Variants in ALDH1A1 observed in about 807,000 individuals in gnomAD.
ALDH1A1 encodes aldehyde dehydrogenase 1A1.
In ALDH1A1, 19 loss-of-function variants were observed where a neutral mutation model predicts 62.1. The ratio of observed to expected loss-of-function variants is 0.31; its 90% CI spans 0.21 to 0.45. ALDH1A1 has a LOEUF of 0.45. Among genes scored for constraint, ALDH1A1 ranks in the 20% least tolerant of loss-of-function variants. The pLI, the probability that ALDH1A1 is intolerant of heterozygous loss-of-function variation, is 1.00. For synonymous variants in ALDH1A1, 231 were observed against 215.9 expected, an observed-to-expected ratio of 1.07 and a Z score of -0.61; for missense variants, 521 against 607.1, an observed-to-expected ratio of 0.86 and a Z score of 1.49.
At chr9:72,927,794 C>T (rs984033157) in intron 4 of ALDH1A1, among the ~76,000 whole-genome samples, 2 of 152,104 alleles carry the variant, frequency 1.3e-5, no homozygotes, top group South Asian at 4.2e-4. Flanking sequence ...TATTTGCCTA[C>T]CAAACAATAA....
At chr9:72,906,095 G>T in intron 11 of ALDH1A1, 63 bp from the exon 12 acceptor site, 1 of 1,315,518 alleles carries the variant, frequency 7.6e-7, no homozygotes, top group Non-Finnish European at 1.1e-6. Context: ...ATCCTTTTTG[G>T]CAGTTTTAGA....
intron 11 of ALDH1A1, among the ~76,000 whole-genome samples, chr9:72,907,558 T>C (rs1192296084): frequency 6.6e-6 from 1 of 152,190 alleles, no homozygotes; most frequent in Non-Finnish European, 1.5e-5. Context: ...GTGCAGAGAG[T>C]AAATTTGCTC....
At position 72,902,615 on chromosome 9, in the gene ALDH1A1, G is replaced by A. The variant is rs541764921; in HGVS notation, c.1434-1335C>T. Among the ~76,000 whole-genome samples the A allele has an allele frequency of 9.9e-5, 15 of 151,960 alleles. 1 individual carries two copies. The South Asian group carries it at 1.5e-3, about 15-fold the overall frequency. On this transcript the variant is annotated intron_variant, in intron 12 of 12. Coordinates refer to ENST00000297785, the MANE Select transcript of ALDH1A1 (RefSeq NM_000689.5). ...TTAGATCAATCAACCCATGACTTTC[G>A]CCAATAGGCTTTCCATTGTATTTTG...
chr9:72,925,460 A>C, intron 6 of ALDH1A1, 24 bp downstream of exon 6: 1 of 1,611,034 alleles, frequency 6.2e-7, no homozygotes. Flanking sequence ...GTTCTTGAGC[A>C]TATTTTGATT....
Position 72,924,120 on chromosome 9 carries a change from G to C in ALDH1A1, c.646C>G (p.Pro216Ala). The C allele has an allele frequency of 6.2e-7, 1 of 1,600,130 alleles. No homozygotes were observed. The highest frequency in any genetic ancestry group is 8.5e-7 in the Non-Finnish European group (1 of 1,175,504). ...CCAGGAACAATATTCACTACTCCAG[G>C]AGGAAACCCTGCCTAAAAGATAAAA... ...ASLIKEAGFP[P>A]GVVNIVPGYG... is the part of the protein sequence containing the mutation. The change falls in exon 7 of 13, where the codon CCT becomes GCT. Residue 216 changes from proline to alanine, a missense_variant. Transcript: ENST00000297785.
intron 12 of ALDH1A1, among the ~76,000 whole-genome samples, chr9:72,903,644 T>A (rs1044135661): frequency 1.8e-4 from 27 of 151,918 alleles, no homozygotes; most frequent in Non-Finnish European, 4.4e-5. Flanking sequence ...TTCCTTTGTA[T>A]TTGAAAGAAA....
chr9:72,907,848 T>C (rs1829895125), intron 11 of ALDH1A1, among the ~76,000 whole-genome samples: 1 of 152,238 alleles, frequency 6.6e-6, no homozygotes, highest in Non-Finnish European at 1.5e-5. Flanking sequence ...TTAATGCTTT[T>C]ATCATAGGCA....
In ALDH1A1 at chr9:72,940,250, G is replaced by T. The variant is rs1830400521; in HGVS notation, c.69C>A (p.Ile23=). The T allele has an allele frequency of 6.2e-7, 1 of 1,610,272 alleles. No homozygotes were observed. The highest frequency in any genetic ancestry group is 8.5e-7 in the Non-Finnish European group (1 of 1,176,962). Residue 23 remains isoleucine (I), a splice_region_variant and synonymous_variant, in exon 2 of 13, where the codon ATC becomes ATA. Coordinates refer to ENST00000297785, the MANE Select transcript of ALDH1A1 (RefSeq NM_000689.5). ...LTDLKIQYTK[I]FINNEWHDSV... ...AATCATGCCATTCATTGTTTATGAA[G>T]ATCTGTAGAGATGAAGAGAAAATAC...
chr9:72,927,824 A>G (rs1222772211), intron 4 of ALDH1A1, among the ~76,000 whole-genome samples: 1 of 152,114 alleles, frequency 6.6e-6, no homozygotes, highest in Admixed American at 6.5e-5. Context: ...CTCTAAATAC[A>G]TGAAGAAAAT....
At chr9:72,918,878 G>T in intron 7 of ALDH1A1, 56 bp from the exon 8 acceptor site, 2 of 1,282,792 alleles carry the variant, frequency 1.6e-6, no homozygotes, top group Non-Finnish European at 2.2e-6. Flanking sequence ...AACACAGGTT[G>T]CTTTAGCATT....
intron 8 of ALDH1A1, among the ~76,000 whole-genome samples, chr9:72,917,584 A>G (rs538663032): frequency 1.3e-5 from 2 of 152,172 alleles, no homozygotes; most frequent in Non-Finnish European, 2.9e-5. Flanking sequence ...AAATAAAACA[A>G]AAACAACTAA....
At chr9:72,927,888 C>T (rs1830230596) in intron 4 of ALDH1A1, among the ~76,000 whole-genome samples, 1 of 151,404 alleles carries the variant, frequency 6.6e-6, no homozygotes, top group African/African-American at 2.4e-5. Context: ...TTTATGTGCC[C>T]CGAAGTTTAA....
intron 9 of ALDH1A1, among the ~76,000 whole-genome samples, chr9:72,913,292 A>G (rs1830014354): frequency 2.0e-5 from 3 of 152,204 alleles, no homozygotes; most frequent in Admixed American, 6.5e-5. Context: ...ATGTTGCTCA[A>G]CAGTCTTTAG....
chr9:72,929,966 T>G (rs1830259864), intron 3 of ALDH1A1, among the ~76,000 whole-genome samples: 1 of 152,244 alleles, frequency 6.6e-6, no homozygotes, highest in Admixed American at 6.5e-5. Flanking sequence ...CTGCTCGTTC[T>G]GAATTTTTGT....
intron 2 of ALDH1A1, among the ~76,000 whole-genome samples, chr9:72,938,808 T>C (rs1461548121): frequency 2.0e-5 from 3 of 151,774 alleles, no homozygotes; most frequent in Non-Finnish European, 2.9e-5. Flanking sequence ...AATGGCACTA[T>C]CTTGGCTCAC....
chr9:72,915,778 G>A (rs745371147), intron 9 of ALDH1A1, among the ~76,000 whole-genome samples: 10 of 152,158 alleles, frequency 6.6e-5, no homozygotes, highest in Non-Finnish European at 1.3e-4. Context: ...CATGAGGTCC[G>A]GGATCAAGTC....
intron 10 of ALDH1A1, 62 bp from the exon 11 acceptor site, chr9:72,909,821 T>C (rs1286591525): frequency 7.1e-7 from 1 of 1,407,026 alleles, no homozygotes; most frequent in Non-Finnish European, 9.6e-7. Flanking sequence ...TTAAATGATA[T>C]CGTAGATTTT....
intron 1 of ALDH1A1, among the ~76,000 whole-genome samples, chr9:72,943,519 C>G (rs1830440313): frequency 6.6e-6 from 1 of 152,134 alleles, no homozygotes; most frequent in Non-Finnish European, 1.5e-5. Flanking sequence ...ATCTGGCAGC[C>G]TGCAGGCAAC....
At chr9:72,933,600 A>C (rs1370928092) in intron 2 of ALDH1A1, among the ~76,000 whole-genome samples, 9 of 105,220 alleles carry the variant, frequency 8.6e-5, no homozygotes, top group East Asian at 8.2e-4. Flanking sequence ...AACAAAAAAA[A>C]AAAAAAAAAA....
Sources: allele counts gnomAD v4.1 joint callset (sites outside exome capture counted in the v4.1 genomes callset), GRCh38; gene constraint gnomAD v4.1.1; transcripts MANE v1.5; gene names NCBI Gene and HGNC (gene_info 2026-07-23, HGNC 2026-07-21).